Variants in SMAP2 observed in about 807,000 individuals in gnomAD.
SMAP2 encodes small ArfGAP2, also known as stromal membrane-associated protein 2.
In SMAP2, 25 loss-of-function variants were observed where a neutral mutation model predicts 56.4. The ratio of observed to expected loss-of-function variants is 0.44; its 90% CI spans 0.32 to 0.62. SMAP2 has a LOEUF of 0.62. Among genes scored for constraint, SMAP2 ranks in the 20% least tolerant of loss-of-function variants. SMAP2 has a pLI of 0.04. For missense variants in SMAP2, 388 were observed against 545.6 expected (o/e 0.71, Z 2.88); for synonymous variants, 157 against 181.7 (o/e 0.86, Z 1.09).
At chr1:40,375,282 A>G (rs762462732) in intron 1 of SMAP2, among the ~76,000 whole-genome samples, 5 of 152,128 alleles carry the variant, frequency 3.3e-5, no homozygotes, top group Non-Finnish European at 7.4e-5. Context: ...GGGGGCGACA[A>G]TTTACTTTTG....
chr1:40,372,645 T>C (rs920182854), upstream of SMAP2, among the ~76,000 whole-genome samples: 3 of 152,194 alleles, frequency 2.0e-5, no homozygotes, highest in Admixed American at 6.5e-5. Flanking sequence ...AGTTTTCCTC[T>C]GATGAGATGA....
At chr1:40,406,554 C>T (rs987943228) in intron 1 of SMAP2, among the ~76,000 whole-genome samples, 182 bp from the exon 2 acceptor site, 13 of 152,268 alleles carry the variant, frequency 8.5e-5, no homozygotes, top group African/African-American at 2.9e-4. Context: ...CTGTATTGTA[C>T]ACTTAAATTT....
intron 1 of SMAP2, chr1:40,375,826 A>G: frequency 2.5e-6 from 2 of 816,126 alleles, no homozygotes; most frequent in African/African-American, 2.0e-5. Flanking sequence ...GGTGACTAGA[A>G]CCCCCCCCCC....
At chr1:40,409,447 C>T (rs1185949175) in intron 3 of SMAP2, among the ~76,000 whole-genome samples, 5 of 152,330 alleles carry the variant, frequency 3.3e-5, no homozygotes, top group South Asian at 4.1e-4. Flanking sequence ...TTAAAATAGA[C>T]ATTTGACTGC....
intron 1 of SMAP2, among the ~76,000 whole-genome samples, chr1:40,376,467 A>G (rs942623779): frequency 1.3e-5 from 2 of 152,168 alleles, no homozygotes; most frequent in Non-Finnish European, 2.9e-5. Flanking sequence ...TGAGATGACA[A>G]TGGGTCAGTC....
At position 40,406,679 on chromosome 1, in the gene SMAP2, GT is replaced by G. The variant is rs1644888632; in HGVS notation, c.104-54del. On this transcript the variant is annotated intron_variant, in intron 1 of 9. Transcript: ENST00000372718. ...AAATGTCTGATAATCTAATATTGTA[GT>G]TTAGGCCTTGAATGTTGTAATTTGT... is the stretch of plus-strand genomic sequence containing the variant. The G allele has an allele frequency of 2.6e-6, 4 of 1,549,994 alleles. 1 individual carries two copies. In the African/African-American group the frequency reaches 5.5e-5, roughly 21 times the overall value.
intron 8 of SMAP2, 49 bp downstream of exon 8, chr1:40,416,390 C>T (rs1644987441): frequency 1.3e-6 from 2 of 1,568,678 alleles, no homozygotes. Context: ...GACATGAGGG[C>T]TTCCATGCAG....
chr1:40,416,032 G>C, intron 7 of SMAP2, 144 bp from the exon 8 acceptor site: 1 of 763,286 alleles, frequency 1.3e-6, no homozygotes. Context: ...TCAGATAGTT[G>C]AATGGTAAAA....
At chr1:40,390,714 G>A (rs1644706974) in intron 1 of SMAP2, among the ~76,000 whole-genome samples, 1 of 152,076 alleles carries the variant, frequency 6.6e-6, no homozygotes, top group South Asian at 2.1e-4. Flanking sequence ...CACACATTTG[G>A]GTGTGTAAAG....
At chr1:40,349,766 G>A (rs1032177268) in intron 1 of SMAP2, among the ~76,000 whole-genome samples, 2 of 152,148 alleles carry the variant, frequency 1.3e-5, no homozygotes, top group Non-Finnish European at 2.9e-5. Flanking sequence ...TGATCTGCCT[G>A]CCTCGGCCTC....
intron 1 of SMAP2, among the ~76,000 whole-genome samples, chr1:40,387,873 G>A (rs1003501737): frequency 4.7e-5 from 7 of 149,360 alleles, no homozygotes; most frequent in Non-Finnish European, 9.0e-5. Flanking sequence ...TCCGGGAACC[G>A]GGGCTGTGTG....
intron 4 of SMAP2, among the ~76,000 whole-genome samples, chr1:40,410,897 T>G (rs1170881085): frequency 6.6e-6 from 1 of 152,242 alleles, no homozygotes; most frequent in Non-Finnish European, 1.5e-5. Flanking sequence ...ATTTATCTAG[T>G]CACAGAAGTA....
intron 9 of SMAP2, among the ~76,000 whole-genome samples, chr1:40,420,179 G>A (rs1044385405): frequency 2.0e-5 from 3 of 151,966 alleles, no homozygotes; most frequent in East Asian, 1.9e-4. Flanking sequence ...ACATTTTTCC[G>A]TTTTCTACCT....
chr1:40,402,621 TTG>T (rs2124323214), intron 1 of SMAP2, among the ~76,000 whole-genome samples: 1 of 152,250 alleles, frequency 6.6e-6, no homozygotes, highest in South Asian at 2.1e-4. Context: ...GGCTAATTTT[TTG>T]TATTTTTAGT....
intron 1 of SMAP2, among the ~76,000 whole-genome samples, chr1:40,401,361 T>C (rs1389147956): frequency 2.0e-5 from 3 of 152,190 alleles, no homozygotes; most frequent in Admixed American, 2.0e-4. Context: ...CCAAGATAGA[T>C]TCCACAGGAT....
At chr1:40,409,661 AAGG>A in intron 3 of SMAP2, 93 bp from the exon 4 acceptor site, 1 of 832,654 alleles carries the variant, frequency 1.2e-6, no homozygotes, top group Non-Finnish European at 2.0e-6. Context: ...GGCAAGAGGG[AAGG>A]AGGAGAACAA....
intron 1 of SMAP2, among the ~76,000 whole-genome samples, chr1:40,405,872 T>C (rs181893761): frequency 3.3e-5 from 5 of 152,336 alleles, no homozygotes; most frequent in Admixed American, 3.3e-4. Flanking sequence ...TTAAAATTCA[T>C]ATTTGAGATT....
At chr1:40,416,640 TA>T in intron 8 of SMAP2, 139 bp from the exon 9 acceptor site, 1 of 940,552 alleles carries the variant, frequency 1.1e-6, no homozygotes, top group Non-Finnish European at 1.6e-6. Flanking sequence ...GTAGGGACTC[TA>T]ACTACTTTGC....
At chr1:40,379,521 A>G (rs1381810717) in intron 1 of SMAP2, among the ~76,000 whole-genome samples, 1 of 138,840 alleles carries the variant, frequency 7.2e-6, no homozygotes, top group African/African-American at 2.7e-5. Flanking sequence ...GTAGAAAGCT[A>G]TTCTTAAATG....
Sources: gnomAD v4.1 joint callset for allele counts (sites outside exome capture counted in the v4.1 genomes callset) on GRCh38, gnomAD v4.1.1 for gene constraint, MANE v1.5 for transcripts, NCBI Gene and HGNC (gene_info 2026-07-23, HGNC 2026-07-21) for gene names.